Variants in FAM174A observed in about 807,000 individuals in gnomAD.
The protein encoded by FAM174A is family with sequence similarity 174 member A.
In FAM174A, 14 loss-of-function variants were observed where a neutral mutation model predicts 14.3. That is an observed-to-expected ratio of 0.98 (90% CI 0.65 to 1.53). FAM174A has a LOEUF of 1.53. FAM174A is among the 40% of genes most tolerant of loss of function. The pLI, the probability that FAM174A is intolerant of heterozygous loss-of-function variation, is 0.00. For synonymous variants in FAM174A, 108 were observed against 111.4 expected, an observed-to-expected ratio of 0.97 and a Z score of 0.19; for missense variants, 241 against 249.6, an observed-to-expected ratio of 0.97 and a Z score of 0.23.
intron 2 of FAM174A, among the ~76,000 whole-genome samples, chr5:100,562,678 G>T (rs1469192382): frequency 6.6e-6 from 1 of 151,552 alleles, no homozygotes; most frequent in South Asian, 2.1e-4. Flanking sequence ...GTATTCTGAA[G>T]ATATTTTCTT....
chr5:100,586,112 A>T, intron 2 of FAM174A, 69 bp from the exon 3 acceptor site: 1 of 816,312 alleles, frequency 1.2e-6, no homozygotes, highest in Non-Finnish European at 1.9e-6. Context: ...AATCTTTCTG[A>T]ATAGTTTTAA....
rs1455491099 is a variant in FAM174A, at chr5:100,554,743, T to C, written c.435-7311T>C. Reference sequence around the variant, plus strand: ...GGCCAAATTCCTTCTTCTGATGTTTTTGTAAGGCCTAAAGCTAAGAATGGT... The same window carrying C: ...GGCCAAATTCCTTCTTCTGATGTTTCTGTAAGGCCTAAAGCTAAGAATGGT... On this transcript the variant is annotated intron_variant, in intron 1 of 2. Coordinates refer to ENST00000312637, the MANE Select transcript of FAM174A (RefSeq NM_198507.3). Among the ~76,000 whole-genome samples the C allele has an allele frequency of 2.0e-5, 3 of 152,190 alleles. 1 individual carries two copies. Among genetic ancestry groups the C allele is most frequent in the South Asian group, 4.1e-4 (2 of 4,828 alleles).
intron 2 of FAM174A, among the ~76,000 whole-genome samples, chr5:100,571,702 A>ACC (rs1446279485): frequency 1.4e-5 from 2 of 148,054 alleles, no homozygotes; most frequent in African/African-American, 4.9e-5. Context: ...ACACACACAC[A>ACC]CCCTATTACT....
At chr5:100,557,219 G>A (rs1746409815) in intron 1 of FAM174A, among the ~76,000 whole-genome samples, 2 of 124,344 alleles carry the variant, frequency 1.6e-5, no homozygotes, top group Admixed American at 9.1e-5. Context: ...TTCTGTCATT[G>A]GTACATGTTG....
chr5:100,572,620 A>C (rs1276539027), intron 2 of FAM174A, among the ~76,000 whole-genome samples: 1 of 151,980 alleles, frequency 6.6e-6, no homozygotes, highest in Non-Finnish European at 1.5e-5. Flanking sequence ...CATGGTGTAA[A>C]TGTGCCACAT....
At chr5:100,537,443 A>G (rs2112360475) in intron 1 of FAM174A, among the ~76,000 whole-genome samples, 1 of 152,164 alleles carries the variant, frequency 6.6e-6, no homozygotes, top group East Asian at 1.9e-4. Flanking sequence ...ATCAGTTGAT[A>G]AGTATAGGTT....
intron 1 of FAM174A, among the ~76,000 whole-genome samples, chr5:100,550,027 G>T (rs1192491139): frequency 6.6e-6 from 1 of 152,086 alleles, no homozygotes; most frequent in East Asian, 1.9e-4. Flanking sequence ...AGCCAGTTTG[G>T]CTTTTGAAAG....
intron 2 of FAM174A, among the ~76,000 whole-genome samples, chr5:100,566,141 G>GATTATATATAT (rs1554047541): frequency 2.9e-4 from 24 of 81,800 alleles, no homozygotes; most frequent in African/African-American, 8.2e-4. Flanking sequence ...TGAAAAGTAT[G>GATTATATATAT]ATATATATAT....
chr5:100,571,066 T>C (rs1746768468), intron 2 of FAM174A, among the ~76,000 whole-genome samples: 1 of 151,844 alleles, frequency 6.6e-6, no homozygotes, highest in South Asian at 2.1e-4. Flanking sequence ...CTATATATCG[T>C]TGGGTTCAAT....
intron 2 of FAM174A, among the ~76,000 whole-genome samples, chr5:100,582,905 A>G (rs1209297754): frequency 6.6e-6 from 1 of 152,196 alleles, no homozygotes; most frequent in African/African-American, 2.4e-5. Context: ...GGCTAGGGGC[A>G]CCAACTACAC....
At chr5:100,544,971 C>G (rs1746135404) in intron 1 of FAM174A, among the ~76,000 whole-genome samples, 1 of 152,168 alleles carries the variant, frequency 6.6e-6, no homozygotes, top group Non-Finnish European at 1.5e-5. Flanking sequence ...GTTTCTGGAC[C>G]CATTGCTACA....
intron 2 of FAM174A, among the ~76,000 whole-genome samples, chr5:100,568,719 T>TA (rs1042050178): frequency 1.3e-3 from 197 of 149,730 alleles, no homozygotes; most frequent in African/African-American, 4.6e-3. Flanking sequence ...TTGCTTTGCT[T>TA]AAAAAAAACT....
intron 2 of FAM174A, among the ~76,000 whole-genome samples, chr5:100,579,454 C>T (rs984576556): frequency 6.6e-5 from 10 of 151,700 alleles, no homozygotes; most frequent in African/African-American, 1.5e-4. Context: ...GATGGAGTTT[C>T]GGTCTTGTCA....
At chr5:100,569,378 A>G (rs1746728951) in intron 2 of FAM174A, among the ~76,000 whole-genome samples, 1 of 123,122 alleles carries the variant, frequency 8.1e-6, no homozygotes, top group Admixed American at 8.3e-5. Flanking sequence ...ATATTACTCT[A>G]TAGAGGCTAT....
At chr5:100,564,218 A>G in intron 2 of FAM174A, among the ~76,000 whole-genome samples, 1 of 151,888 alleles carries the variant, frequency 6.6e-6, no homozygotes, top group East Asian at 1.9e-4. Flanking sequence ...TAAATTACCC[A>G]GTCTCAGGTA....
At chr5:100,571,685 T>TAC (rs1746783396) in intron 2 of FAM174A, among the ~76,000 whole-genome samples, 2 of 147,070 alleles carry the variant, frequency 1.4e-5, no homozygotes, top group South Asian at 4.2e-4. Context: ...TATATATATA[T>TAC]ATATATACAC....
chr5:100,550,395 G>A (rs1049095961), intron 1 of FAM174A, among the ~76,000 whole-genome samples: 18 of 152,168 alleles, frequency 1.2e-4, no homozygotes, highest in Admixed American at 6.5e-4. Flanking sequence ...TTTCAGGCTT[G>A]TTTTATTCCA....
At chr5:100,537,143 T>C (rs1424296191) in intron 1 of FAM174A, among the ~76,000 whole-genome samples, 1 of 152,234 alleles carries the variant, frequency 6.6e-6, no homozygotes, top group Admixed American at 6.5e-5. Flanking sequence ...GCTATTAAAA[T>C]GTTTCTTTCC....
At chr5:100,566,141 G>GAT (rs60895683) in intron 2 of FAM174A, among the ~76,000 whole-genome samples, 10,072 of 81,584 alleles carry the variant, frequency 0.12, 737 homozygotes, top group East Asian at 0.27. Context: ...TGAAAAGTAT[G>GAT]ATATATATAT....
Sources: allele counts gnomAD v4.1 joint callset (sites outside exome capture counted in the v4.1 genomes callset), GRCh38; gene constraint gnomAD v4.1.1; transcripts MANE v1.5; gene names NCBI Gene and HGNC (gene_info 2026-07-23, HGNC 2026-07-21).